SETD2: variants seen among roughly 807,000 people sequenced by gnomAD.
SETD2 encodes the protein SET domain containing 2, histone lysine methyltransferase.
SETD2 carries 31 observed loss-of-function variants against 242.1 expected under a neutral mutation model. The ratio of observed to expected loss-of-function variants is 0.13; its 90% CI spans 0.10 to 0.17. SETD2 has a LOEUF of 0.17. SETD2 is among the 10% of genes least tolerant of loss of function. The pLI is 1.00. For synonymous variants in SETD2, 1,006 were observed against 1,066.5 expected, an observed-to-expected ratio of 0.94 and a Z score of 1.11; for missense variants, 2,481 against 3,046.3, an observed-to-expected ratio of 0.81 and a Z score of 4.37.
chr3:47,146,606 G>A (rs896660530), intron 1 of SETD2, among the ~76,000 whole-genome samples: 6 of 144,156 alleles, frequency 4.2e-5, no homozygotes, highest in East Asian at 2.0e-4. Flanking sequence ...CAACCTGGGC[G>A]ACACAGTGAG....
At chr3:47,127,460 G>T in intron 1 of SETD2, 1 of 337,472 alleles carries the variant, frequency 3.0e-6, no homozygotes, top group South Asian at 2.2e-5. Context: ...GGGTGTAGTG[G>T]CCCACACTTG....
At chr3:47,102,528 C>G (rs1046000008) in intron 7 of SETD2, among the ~76,000 whole-genome samples, 1 of 152,196 alleles carries the variant, frequency 6.6e-6, no homozygotes, top group African/African-American at 2.4e-5. Context: ...CGGAGGCTCA[C>G]GCCTATAATC....
At chr3:47,044,097 C>T (rs1415612309) in intron 16 of SETD2, among the ~76,000 whole-genome samples, 1 of 151,970 alleles carries the variant, frequency 6.6e-6, no homozygotes, top group Non-Finnish European at 1.5e-5. Flanking sequence ...AATCCCAGCA[C>T]TTTGGAAGGC....
At chr3:47,125,247 A>G (rs1388589734) in intron 2 of SETD2, among the ~76,000 whole-genome samples, 1 of 152,036 alleles carries the variant, frequency 6.6e-6, no homozygotes, top group Admixed American at 6.6e-5. Flanking sequence ...GGAACCCCGG[A>G]GGCAGAGGTT....
At chr3:47,019,884 C>A in intron 18 of SETD2, 44 bp from the exon 19 acceptor site, 1 of 1,506,282 alleles carries the variant, frequency 6.6e-7, no homozygotes, top group South Asian at 1.1e-5. Flanking sequence ...CATGAGAAGT[C>A]AGTTTAGTGA....
intron 5 of SETD2, 92 bp from the exon 6 acceptor site, chr3:47,106,212 T>A (rs2107697738): frequency 9.4e-7 from 1 of 1,067,412 alleles, no homozygotes; most frequent in African/African-American, 1.6e-5. Context: ...TTTAAATAAA[T>A]ACTGCAATGT....
chr3:47,054,261 G>T (rs746099390), intron 15 of SETD2, among the ~76,000 whole-genome samples: 1 of 152,146 alleles, frequency 6.6e-6, no homozygotes. Context: ...TTGGCTCTTA[G>T]GGCTAATGAA....
chr3:47,152,151 C>T (rs887484404), intron 1 of SETD2, among the ~76,000 whole-genome samples: 1 of 152,166 alleles, frequency 6.6e-6, no homozygotes, highest in African/African-American at 2.4e-5. Context: ...TAAGCTTAAG[C>T]TTGAAAATAT....
chr3:47,114,049 A>C, intron 4 of SETD2, 45 bp from the exon 5 acceptor site: 1 of 1,581,386 alleles, frequency 6.3e-7, no homozygotes, highest in Non-Finnish European at 8.6e-7. Flanking sequence ...AAGCAGCAAA[A>C]GAACCAAAGT....
Position 47,121,781 on chromosome 3 carries a change from T to A in SETD2, c.2855A>T (p.Asn952Ile), listed in dbSNP as rs2043101091. 1 of 1,614,036 alleles carries A rather than the reference T, an allele frequency of 6.2e-7. No homozygotes were observed. Among genetic ancestry groups the A allele is most frequent in the African/African-American group, 1.3e-5 (1 of 74,924 alleles). Reference sequence around the variant, plus strand: ...TTGCAAACATTTCCCAGATAACCCATTATTACGCCTGTTCTCCCTGGAAGC... The same window carrying A: ...TTGCAAACATTTCCCAGATAACCCAATATTACGCCTGTTCTCCCTGGAAGC... ...GFASRENRRNNGLSGKCLQEA... is the reference protein window; with the variant it reads ...GFASRENRRNIGLSGKCLQEA... Residue 952 changes from asparagine to isoleucine, a missense_variant, in exon 3 of 21, where the codon AAT becomes ATT. By Grantham distance (149) the Asn-to-Ile change is moderately radical (BLOSUM62 -3). Coordinates refer to ENST00000409792, the MANE Select transcript of SETD2 (RefSeq NM_014159.7).
At position 47,122,126 on chromosome 3, in the gene SETD2, T is replaced by C. The variant is rs2043120978; in HGVS notation, c.2510A>G (p.Asp837Gly). 6.2e-7 allele frequency: 1 copy of C among 1,613,840 alleles called. No individual in the cohort carries two copies. Among genetic ancestry groups the C allele is most frequent in the Admixed American group, 1.7e-5 (1 of 59,998 alleles). The change falls in exon 3 of 21, where the codon GAT becomes GGT. Residue 837 changes from aspartate (D) to glycine (G), a missense_variant. Around this residue, in one of 17 missense-constraint regions of SETD2, gnomAD observed 1,300 missense variants for 1,259.2 expected, o/e 1.03. Transcript: ENST00000409792. Reference protein sequence around the residue: ...VHLESKPVICDSRNLTDHSKF... With the variant: ...VHLESKPVICGSRNLTDHSKF... ...TGAGTGATCTGTCAAATTTCTACTA[T>C]CACATATAACTGGTTTTGATTCCAA...
rs185038808 is a variant in SETD2, at chr3:47,041,848, A to G, written c.7238+713T>C. ...TGTGTCAAGGATAAACAATCTAGCT[A>G]TTTAATTTGGAAATAGAAAAGCGCT... On this transcript the variant is annotated intron_variant, in intron 17 of 20. Transcript: ENST00000409792. 1.3e-4 allele frequency among the ~76,000 whole-genome samples: 20 copies of G among 152,296 alleles called. 1 individual carries two copies. Among genetic ancestry groups the G allele is most frequent in the Admixed American group, 1.2e-3 (19 of 15,286 alleles).
rs2106869856 is a variant in SETD2 at position 47,164,028 on chromosome 3, GC to G, written c.-105del. On this transcript the variant is annotated 5_prime_UTR_variant, in exon 1 of 21. Transcript: ENST00000409792. The surrounding 1 kb of genome is among the most constrained non-coding windows in gnomAD (Gnocchi z 5.4). ...AGGTCCGACCGCGGCGGCGGCGGCG[GC>G]GGCGGCGGCGGCGGCAGGGGCGGCC... is the stretch of plus-strand genomic sequence containing the variant. The G allele has an allele frequency of 8.2e-7, 1 of 1,224,726 alleles. No homozygotes were observed. The highest frequency in any genetic ancestry group is 1.6e-5 in the African/African-American group (1 of 63,368). 75.9% of individuals were successfully genotyped at this position (1,224,726 alleles called of 1,614,324 possible). A position where few individuals can be genotyped will look rare whatever the true frequency, so the allele number is the denominator to read the frequency against.
At chr3:47,076,348 A>G (rs1284559852) in intron 12 of SETD2, among the ~76,000 whole-genome samples, 2 of 152,222 alleles carry the variant, frequency 1.3e-5, no homozygotes, top group African/African-American at 4.8e-5. Context: ...ACGTTAAGAA[A>G]AATGAACTTA....
chr3:47,079,088 C>T (rs1419785916), intron 12 of SETD2, among the ~76,000 whole-genome samples: 3 of 152,104 alleles, frequency 2.0e-5, no homozygotes, highest in Non-Finnish European at 4.4e-5. Context: ...GAATTTTTCA[C>T]TGAATTTTCT....
intron 12 of SETD2, among the ~76,000 whole-genome samples, chr3:47,082,971 T>G (rs1290433090): frequency 6.6e-6 from 1 of 152,208 alleles, no homozygotes; most frequent in Admixed American, 6.5e-5. Flanking sequence ...TTAAGTAACC[T>G]GTTCCCACAG....
rs746166490 is a variant in SETD2 at position 47,046,445 on chromosome 3, A to C, written c.7098+42T>G. The C allele has an allele frequency of 2.7e-6, 4 of 1,488,130 alleles. No individual in the cohort carries two copies. The East Asian group carries it at 9.7e-5, about 36-fold the overall frequency. 92.2% of individuals were successfully genotyped at this position (1,488,130 alleles called of 1,614,324 possible). On this transcript the variant is annotated intron_variant, in intron 16 of 20. Transcript: ENST00000409792. ...CAAAAAGAAAACCTTCCAAAGACAAAGTAGACAGCCAATGAGTTTTAACAA... is the reference window on the plus strand; with the variant it reads ...CAAAAAGAAAACCTTCCAAAGACAACGTAGACAGCCAATGAGTTTTAACAA...
At chr3:47,023,406 GA>G (rs559186770) in intron 18 of SETD2, among the ~76,000 whole-genome samples, 57 of 147,242 alleles carry the variant, frequency 3.9e-4, no homozygotes, top group African/African-American at 9.0e-4. Context: ...TCTCAAAAAA[GA>G]AAAAAAAAAT....
At position 47,124,328 on chromosome 3, in the gene SETD2, G is replaced by A. The variant is rs2106725573; in HGVS notation, c.308C>T (p.Pro103Leu). 1 of 1,551,794 alleles carries A rather than the reference G, an allele frequency of 6.4e-7. No homozygotes were observed. Residue 103 changes from proline to leucine, a missense_variant, in exon 3 of 21, where the codon CCT becomes CTT. Transcript: ENST00000409792. Reference sequence around the variant, plus strand: ...GTCTACCTGAAGAGGTACAGCTGGAGGGTTTGGAGTATCACTTTGCTTTTC... The same window carrying A: ...GTCTACCTGAAGAGGTACAGCTGGAAGGTTTGGAGTATCACTTTGCTTTTC... ...GNEKQSDTPNPPAVPLQVDST... is the reference protein window; with the variant it reads ...GNEKQSDTPNLPAVPLQVDST...
Sources: allele counts gnomAD v4.1 joint callset (sites outside exome capture counted in the v4.1 genomes callset), GRCh38; gene constraint gnomAD v4.1.1; regional missense constraint gnomAD v4.1.1; non-coding constraint Gnocchi (gnomAD v3.1); transcripts MANE v1.5; gene names NCBI Gene and HGNC (gene_info 2026-07-23, HGNC 2026-07-21).